The following ADARB2 variants were observed in gnomAD, a reference collection of about 807,000 sequenced individuals.
ADARB2 encodes the protein inactive double-stranded RNA-specific editase B2.
Under a neutral mutation model 62.2 loss-of-function variants are expected in ADARB2, and 25 were observed. The ratio of observed to expected loss-of-function variants is 0.40; its 90% confidence interval spans 0.29 to 0.56. ADARB2 has a LOEUF of 0.56. Among genes scored for constraint, ADARB2 ranks in the 20% least tolerant of loss-of-function variants. The probability of loss-of-function intolerance (pLI) is 0.43; values close to 1 mark genes in which losing one functional copy is unlikely to be tolerated. For missense variants in ADARB2, 1,071 were observed against 1,077.4 expected, an observed-to-expected ratio of 0.99 and a Z score of 0.08; for synonymous variants, 572 against 500.8, an observed-to-expected ratio of 1.14 and a Z score of -1.90.
Position 1,737,086 on chromosome 10 carries a change from G to C in ADARB2, c.65C>G (p.Ser22Cys), listed in dbSNP as rs1257430231. The change falls in exon 1 of 10, where the codon TCC becomes TGC. Residue 22 changes from serine to cysteine, a missense_variant. Coordinates refer to ENST00000381312, the MANE Select transcript of ADARB2 (RefSeq NM_018702.4). ...GGACCTCCGCCTCCTCCTCCTCTTG[G>C]ACTTGCATTTGAGTTGACTGCTCAG... is the stretch of plus-strand genomic sequence containing the variant. ...GGLSSQLKCK[S>C]KRRRRRRSKR... The C allele has an allele frequency of 1.9e-6, 3 of 1,611,868 alleles. No individual in the cohort carries two copies. The highest frequency in any genetic ancestry group is 1.7e-5 in the Admixed American group (1 of 60,022).
At chr10:1,405,992 A>C (rs1832705165) in intron 1 of ADARB2, among the ~76,000 whole-genome samples, 1 of 151,790 alleles carries the variant, frequency 6.6e-6, no homozygotes, top group Non-Finnish European at 1.5e-5. Context: ...CATTTCTTAA[A>C]TCCTTCCCCT....
chr10:1,657,183 C>T (rs186962835), intron 1 of ADARB2, among the ~76,000 whole-genome samples: 111 of 152,146 alleles, frequency 7.3e-4, no homozygotes, highest in African/African-American at 2.6e-3. Flanking sequence ...TCCAGGTGGC[C>T]AATTTCTTCT....
At chr10:1,489,505 T>C (rs909489492) in intron 1 of ADARB2, among the ~76,000 whole-genome samples, 7 of 152,376 alleles carry the variant, frequency 4.6e-5, no homozygotes, top group Admixed American at 2.0e-4. Context: ...CGCCACTTAA[T>C]GTGTTGCCCA....
intron 1 of ADARB2, among the ~76,000 whole-genome samples, chr10:1,654,002 C>T (rs1375293953): frequency 6.6e-6 from 1 of 151,982 alleles, no homozygotes; most frequent in Non-Finnish European, 1.5e-5. Context: ...ACAGCTGCCC[C>T]GGGGGTCCTG....
chr10:1,622,226 A>G (rs181007543), intron 1 of ADARB2, among the ~76,000 whole-genome samples: 2 of 152,342 alleles, frequency 1.3e-5, no homozygotes, highest in Non-Finnish European at 2.9e-5. Context: ...GACCCTAGCT[A>G]AAATTTTAAA....
At chr10:1,544,307 C>A (rs1314903578) in intron 1 of ADARB2, among the ~76,000 whole-genome samples, 3 of 152,240 alleles carry the variant, frequency 2.0e-5, no homozygotes, top group Non-Finnish European at 4.4e-5. Flanking sequence ...TTGGTCACCA[C>A]CTGGTGGGCA....
intron 1 of ADARB2, among the ~76,000 whole-genome samples, chr10:1,416,931 C>A (rs372412266): frequency 1.3e-5 from 2 of 152,312 alleles, no homozygotes; most frequent in East Asian, 3.9e-4. Flanking sequence ...CACGGGTCCC[C>A]CTGAAACATT....
At chr10:1,734,985 C>T (rs1426648086) in intron 1 of ADARB2, among the ~76,000 whole-genome samples, 1 of 152,188 alleles carries the variant, frequency 6.6e-6, no homozygotes, top group Non-Finnish European at 1.5e-5. Flanking sequence ...TAATGTGTCT[C>T]TTAGCTGGTT....
At chr10:1,443,413 T>C (rs557037090) in intron 1 of ADARB2, among the ~76,000 whole-genome samples, 27 of 152,286 alleles carry the variant, frequency 1.8e-4, no homozygotes, top group African/African-American at 6.3e-4. Flanking sequence ...ATATATTCCA[T>C]TTGTTAAATA....
chr10:1,419,775 T>C (rs1319716355), intron 1 of ADARB2, among the ~76,000 whole-genome samples: 2 of 152,242 alleles, frequency 1.3e-5, no homozygotes, highest in Non-Finnish European at 2.9e-5. Context: ...AATCTAAATG[T>C]TAACTAAGCG....
At chr10:1,345,181 C>T (rs529391053) in intron 3 of ADARB2, among the ~76,000 whole-genome samples, 244 of 152,218 alleles carry the variant, frequency 1.6e-3, no homozygotes, top group African/African-American at 5.3e-3. Flanking sequence ...CCACCTGTCA[C>T]GGTGGTCCCC....
intron 1 of ADARB2, among the ~76,000 whole-genome samples, chr10:1,411,883 C>T (rs908823595): frequency 2.6e-5 from 4 of 152,350 alleles, no homozygotes; most frequent in Middle Eastern, 3.4e-3. Flanking sequence ...ATTTGAAAGA[C>T]ATTGCTTTCA....
chr10:1,205,976 TG>T (rs1837055270), intron 7 of ADARB2, among the ~76,000 whole-genome samples: 3 of 131,460 alleles, frequency 2.3e-5, no homozygotes, highest in African/African-American at 6.0e-5. Flanking sequence ...TGGGGTCAGG[TG>T]GGTGTCACGG....
chr10:1,264,800 G>A (rs1380747995), intron 4 of ADARB2, among the ~76,000 whole-genome samples: 1 of 152,154 alleles, frequency 6.6e-6, no homozygotes, highest in Non-Finnish European at 1.5e-5. Flanking sequence ...CTACCAGGCT[G>A]TTTTCAAGAA....
chr10:1,728,135 G>T (rs1339654915), intron 1 of ADARB2, among the ~76,000 whole-genome samples: 1 of 152,158 alleles, frequency 6.6e-6, no homozygotes, highest in Non-Finnish European at 1.5e-5. Flanking sequence ...CACCAATGTG[G>T]TTGTTGTTTC....
chr10:1,304,466 G>C (rs1285204501), intron 3 of ADARB2, among the ~76,000 whole-genome samples: 11 of 151,756 alleles, frequency 7.2e-5, no homozygotes, highest in South Asian at 4.2e-4. Flanking sequence ...GACAGATCAA[G>C]GAGACAGAAA....
At chr10:1,588,322 G>GT (rs1833206623) in intron 1 of ADARB2, among the ~76,000 whole-genome samples, 3 of 152,166 alleles carry the variant, frequency 2.0e-5, no homozygotes, top group African/African-American at 7.2e-5. Flanking sequence ...TGTCAAGGTG[G>GT]TTTTTTATCT....
At chr10:1,620,593 G>A (rs1476615508) in intron 1 of ADARB2, among the ~76,000 whole-genome samples, 3 of 152,216 alleles carry the variant, frequency 2.0e-5, no homozygotes, top group Non-Finnish European at 4.4e-5. Flanking sequence ...TCTAGAAAAT[G>A]CAGAAGGGGA....
intron 3 of ADARB2, among the ~76,000 whole-genome samples, chr10:1,285,296 C>A (rs533864196): frequency 6.6e-6 from 1 of 151,702 alleles, no homozygotes; most frequent in Non-Finnish European, 1.5e-5. Flanking sequence ...CGTGGGGAAA[C>A]GCGCCCTCCT....
Sources: allele counts gnomAD v4.1 joint callset (sites outside exome capture counted in the v4.1 genomes callset), GRCh38; gene constraint gnomAD v4.1.1; transcripts MANE v1.5; gene names NCBI Gene and HGNC (gene_info 2026-07-23, HGNC 2026-07-21).